RPS6KA2: variants seen among roughly 807,000 people sequenced by gnomAD.
RPS6KA2 encodes ribosomal protein S6 kinase alpha-2.
Under a neutral mutation model 91.8 loss-of-function variants are expected in RPS6KA2, and 42 were observed. The ratio of observed to expected loss-of-function variants is 0.46; its 90% CI spans 0.36 to 0.59. The LOEUF is 0.59. RPS6KA2 is among the 20% of genes least tolerant of loss of function. The pLI is 0.00. For missense variants in RPS6KA2, 798 were observed against 978.5 expected, an observed-to-expected ratio of 0.82 and a Z score of 2.46; for synonymous variants, 414 against 393.6, an observed-to-expected ratio of 1.05 and a Z score of -0.61.
intron 15 of RPS6KA2, 89 bp from the exon 16 acceptor site, chr6:166,430,700 G>A (rs1484669079): frequency 5.8e-6 from 8 of 1,385,044 alleles, no homozygotes; most frequent in Non-Finnish European, 7.8e-6. Flanking sequence ...AGGGAAGTCA[G>A]AGGGGAGAGG....
intron 10 of RPS6KA2, among the ~76,000 whole-genome samples, chr6:166,473,041 A>C (rs1780829045): frequency 1.3e-5 from 2 of 152,124 alleles, no homozygotes; most frequent in African/African-American, 2.4e-5. Context: ...GTTTGTTTAA[A>C]TGGCTTGTGG....
At chr6:166,672,675 T>A (rs796828543) in intron 2 of RPS6KA2, among the ~76,000 whole-genome samples, 2 of 152,326 alleles carry the variant, frequency 1.3e-5, no homozygotes, top group East Asian at 3.9e-4. Flanking sequence ...GAGAAAGGAA[T>A]GACATTGTAC....
intron 2 of RPS6KA2, among the ~76,000 whole-genome samples, chr6:166,644,179 GGGCAACTGA>G (rs1351090569): frequency 3.3e-5 from 5 of 152,000 alleles, no homozygotes; most frequent in African/African-American, 9.7e-5. Context: ...ACATAACCTT[GGGCAACTGA>G]GGCAATAAGT....
chr6:166,799,215 C>A (rs751402203), intron 2 of RPS6KA2, among the ~76,000 whole-genome samples: 7 of 152,224 alleles, frequency 4.6e-5, no homozygotes, highest in Non-Finnish European at 1.0e-4. Context: ...CCCCAAGGGT[C>A]TGTGAACCCG....
At chr6:166,716,832 G>A (rs753707830) in intron 2 of RPS6KA2, among the ~76,000 whole-genome samples, 1 of 152,216 alleles carries the variant, frequency 6.6e-6, no homozygotes, top group Non-Finnish European at 1.5e-5. Context: ...ACTTTTCCAA[G>A]TGTAAAGCAT....
At chr6:166,848,939 T>A (rs117975095) in intron 2 of RPS6KA2, among the ~76,000 whole-genome samples, 6,391 of 151,612 alleles carry the variant, frequency 0.042, 540 homozygotes, top group East Asian at 0.36. Flanking sequence ...ATTTTAAAAA[T>A]ATATATATAT....
rs2223405 is a variant in RPS6KA2, at chr6:166,662,439, T to C, written c.124-123655A>G. Among the ~76,000 whole-genome samples the C allele has an allele frequency of 0.13, 20,271 of 152,188 alleles. 1,414 individuals are homozygous for C. Among genetic ancestry groups the C allele is most frequent in the Middle Eastern group, 0.17 (51 of 292 alleles). ...AGACACTTTAGATATCTGCTTTCTT[T>C]GGGGACGTAAGAACAGCTCTGCTTG... On this transcript the variant is annotated intron_variant, in intron 2 of 21. Transcript: ENST00000503859. The surrounding 1 kb of genome is among the most constrained non-coding windows in gnomAD (Gnocchi z 4.3).
chr6:166,813,366 C>T (rs1443122175), intron 2 of RPS6KA2, among the ~76,000 whole-genome samples: 1 of 152,194 alleles, frequency 6.6e-6, no homozygotes, highest in African/African-American at 2.4e-5. Context: ...GGATTGGTTA[C>T]AACTGTAGAT....
At position 166,603,502 on chromosome 6, in the gene RPS6KA2, G is replaced by C. The variant is rs1162720450; in HGVS notation, c.99+23419C>G. On this transcript the variant is annotated intron_variant, in intron 1 of 20. Transcript: ENST00000265678. This position sits in a 1 kb window ranked among gnomAD's most constrained non-coding sequence, Gnocchi z 4.3. ...TCATTTGGCCTCATAAATGGGATTAGCATGGGGGCAGCTACCGACCAGTCA... is the reference window on the plus strand; with the variant it reads ...TCATTTGGCCTCATAAATGGGATTACCATGGGGGCAGCTACCGACCAGTCA... Among the ~76,000 whole-genome samples, 1 of 152,116 alleles carries C rather than the reference G, an allele frequency of 6.6e-6. No individual in the cohort carries two copies. The highest frequency in any genetic ancestry group is 1.5e-5 in the Non-Finnish European group (1 of 68,010).
chr6:166,611,636 A>G (rs1171378454), intron 1 of RPS6KA2, among the ~76,000 whole-genome samples: 1 of 152,208 alleles, frequency 6.6e-6, no homozygotes, highest in Non-Finnish European at 1.5e-5. Context: ...TATAACTGAA[A>G]TATCTCAAGG....
chr6:166,813,427 A>G (rs1359306023), intron 2 of RPS6KA2, among the ~76,000 whole-genome samples: 1 of 152,194 alleles, frequency 6.6e-6, no homozygotes, highest in Non-Finnish European at 1.5e-5. Flanking sequence ...TCTACATTTT[A>G]TGATTTGTTT....
chr6:166,442,402 C>T (rs912843859), intron 14 of RPS6KA2, among the ~76,000 whole-genome samples: 5 of 152,184 alleles, frequency 3.3e-5, no homozygotes, highest in Non-Finnish European at 5.9e-5. Flanking sequence ...TCTCACTGAC[C>T]GGCTGCGACT....
intron 5 of RPS6KA2, among the ~76,000 whole-genome samples, chr6:166,505,632 C>A (rs921492310): frequency 6.6e-6 from 1 of 152,212 alleles, no homozygotes; most frequent in Admixed American, 6.5e-5. Flanking sequence ...GGGACCTGAA[C>A]GGTGAGTGGC....
At chr6:166,503,691 A>G (rs1487790515) in intron 6 of RPS6KA2, among the ~76,000 whole-genome samples, 1 of 152,120 alleles carries the variant, frequency 6.6e-6, no homozygotes, top group African/African-American at 2.4e-5. Context: ...AACCTAAAAT[A>G]CCATCCTCCA....
chr6:166,858,866 A>G (rs1167710942), intron 1 of RPS6KA2, among the ~76,000 whole-genome samples: 1 of 152,222 alleles, frequency 6.6e-6, no homozygotes. Flanking sequence ...GGCCTCGGAG[A>G]CATGGCAGTG....
chr6:166,452,708 C>T (rs1779956041), intron 12 of RPS6KA2, among the ~76,000 whole-genome samples: 1 of 152,078 alleles, frequency 6.6e-6, no homozygotes, highest in Admixed American at 6.5e-5. Flanking sequence ...GGGGAAAAGA[C>T]ACTCTTTTCA....
chr6:166,590,805 C>A (rs897705534), intron 1 of RPS6KA2, among the ~76,000 whole-genome samples: 1 of 151,486 alleles, frequency 6.6e-6, no homozygotes, highest in Non-Finnish European at 1.5e-5. Flanking sequence ...TCAACACTAA[C>A]GGATAAGTGA....
At chr6:166,449,941 C>T (rs1562501008) in intron 13 of RPS6KA2, among the ~76,000 whole-genome samples, 1 of 151,386 alleles carries the variant, frequency 6.6e-6, no homozygotes, top group Non-Finnish European at 1.5e-5. Flanking sequence ...ACAGGGACCA[C>T]CACAGGAACC....
chr6:166,714,446 TC>T (rs1383130378), intron 2 of RPS6KA2, among the ~76,000 whole-genome samples: 1 of 152,170 alleles, frequency 6.6e-6, no homozygotes, highest in Non-Finnish European at 1.5e-5. Flanking sequence ...TGCGTTGATG[TC>T]CTAACCTCTG....
Sources: gnomAD v4.1 joint callset for allele counts (sites outside exome capture counted in the v4.1 genomes callset) on GRCh38, gnomAD v4.1.1 for gene constraint, Gnocchi (gnomAD v3.1) non-coding constraint, MANE v1.5 for transcripts, NCBI Gene and HGNC (gene_info 2026-07-23, HGNC 2026-07-21) for gene names.